SSH2: variants seen among roughly 807,000 people sequenced by gnomAD.
The protein encoded by SSH2 is slingshot protein phosphatase 2.
In SSH2, 37 loss-of-function variants were observed where a neutral mutation model predicts 135.2. That is an observed-to-expected ratio of 0.27 (90% CI 0.21 to 0.36). SSH2 has a LOEUF of 0.36. SSH2 is among the 10% of genes least tolerant of loss of function. SSH2 has a pLI of 1.00. For synonymous variants in SSH2, 628 were observed against 646.2 expected, an observed-to-expected ratio of 0.97 and a Z score of 0.43; for missense variants, 1,408 against 1,765.3, an observed-to-expected ratio of 0.80 and a Z score of 3.63.
In SSH2 at chr17:29,632,422, C is replaced by A; in HGVS notation, c.2772G>T (p.Lys924Asn). ...APTCTSLSTR[K>N]NSKNDSSVAD... Reference sequence around the variant, plus strand: ...CCACAGAAGAATCATTCTTTGAATTCTTACGAGTGGACAATGAGGTACATG... The same window carrying A: ...CCACAGAAGAATCATTCTTTGAATTATTACGAGTGGACAATGAGGTACATG... Residue 924 changes from lysine to asparagine, a missense_variant, in exon 16 of 16, where the codon AAG becomes AAT. Lys to Asn is a moderately conservative substitution (Grantham distance 94, BLOSUM62 0). Coordinates refer to ENST00000540801, the MANE Select transcript of SSH2 (RefSeq NM_001282129.2). 1 of 1,614,214 alleles carries A rather than the reference C, an allele frequency of 6.2e-7. No homozygotes were observed. Among genetic ancestry groups the A allele is most frequent in the Non-Finnish European group, 8.5e-7 (1 of 1,180,032 alleles).
At chr17:29,882,251 T>C (rs957415913) in intron 1 of SSH2, among the ~76,000 whole-genome samples, 9 of 152,232 alleles carry the variant, frequency 5.9e-5, no homozygotes, top group African/African-American at 2.2e-4. Context: ...TTTCAAAAAC[T>C]CACAGCCTTT....
chr17:29,737,980 G>A (rs542816490), intron 3 of SSH2, among the ~76,000 whole-genome samples: 1 of 151,862 alleles, frequency 6.6e-6, no homozygotes, highest in Non-Finnish European at 1.5e-5. Context: ...TGCGCACAAC[G>A]TGCAGGTTAC....
intron 2 of SSH2, among the ~76,000 whole-genome samples, chr17:29,804,675 T>C (rs2042308024): frequency 6.6e-6 from 1 of 152,168 alleles, no homozygotes; most frequent in South Asian, 2.1e-4. Context: ...GTCTTTGTTG[T>C]TGTTGTTGTT....
At chr17:29,742,937 CTTT>C (rs1169022857) in intron 3 of SSH2, among the ~76,000 whole-genome samples, 1 of 149,764 alleles carries the variant, frequency 6.7e-6, no homozygotes, top group Non-Finnish European at 1.5e-5. Context: ...GCCCAGCCTT[CTTT>C]TGATTTTTTG....
At chr17:29,764,938 G>A (rs535321279) in intron 3 of SSH2, among the ~76,000 whole-genome samples, 4 of 152,284 alleles carry the variant, frequency 2.6e-5, no homozygotes, top group East Asian at 1.9e-4. Flanking sequence ...GCTGAAATGC[G>A]AATGAAGGAT....
At chr17:29,897,568 G>C (rs2066468292) in intron 1 of SSH2, among the ~76,000 whole-genome samples, 1 of 152,174 alleles carries the variant, frequency 6.6e-6, no homozygotes, top group Non-Finnish European at 1.5e-5. Flanking sequence ...AGTTCAACAA[G>C]AAGAGCTAAC....
At chr17:29,739,694 A>C (rs2040491742) in intron 3 of SSH2, among the ~76,000 whole-genome samples, 1 of 152,198 alleles carries the variant, frequency 6.6e-6, no homozygotes. Flanking sequence ...AATAGGGCAA[A>C]AGGTGATGTT....
intron 3 of SSH2, among the ~76,000 whole-genome samples, chr17:29,756,841 G>C (rs1293278438): frequency 6.6e-6 from 1 of 151,836 alleles, no homozygotes; most frequent in East Asian, 1.9e-4. Context: ...ATTTTTAGTA[G>C]AGATGGGGTT....
intron 2 of SSH2, among the ~76,000 whole-genome samples, chr17:29,834,358 C>A (rs920463573): frequency 6.6e-6 from 1 of 152,098 alleles, no homozygotes; most frequent in East Asian, 1.9e-4. Flanking sequence ...GTGATTGAAA[C>A]CCCATTTACC....
chr17:29,755,931 G>T (rs892845822), intron 3 of SSH2, among the ~76,000 whole-genome samples: 2 of 148,958 alleles, frequency 1.3e-5, no homozygotes, highest in Admixed American at 1.3e-4. Context: ...AAAGTGCTGG[G>T]ATTACAGGGG....
At chr17:29,756,313 C>T (rs1193022637) in intron 3 of SSH2, among the ~76,000 whole-genome samples, 3 of 151,566 alleles carry the variant, frequency 2.0e-5, no homozygotes, top group Non-Finnish European at 4.4e-5. Context: ...CTCTATTGCC[C>T]AAGCTGGAGT....
At position 29,628,345 on chromosome 17, in the gene SSH2, T is replaced by G. The variant is rs989613409; in HGVS notation, c.*2496A>C. ...AAATTTTTTTTCCCCACAGTATTAG[T>G]GGGTTTTGTCCCATCTTTGTTGTTA... On this transcript the variant is annotated 3_prime_UTR_variant, in exon 16 of 16. Transcript: ENST00000540801. 1.3e-5 allele frequency: 2 copies of G among 152,216 alleles called. No individual in the cohort carries two copies. The highest frequency in any genetic ancestry group is 2.4e-5 in the African/African-American group (1 of 41,462). 9.4% of individuals were successfully genotyped at this position (152,216 alleles called of 1,614,324 possible). A position where few individuals can be genotyped will look rare whatever the true frequency, so the allele number is the denominator to read the frequency against.
Position 29,636,568 on chromosome 17 carries a change from C to A in SSH2, c.1662G>T (p.Met554Ile), listed in dbSNP as rs748131596. The change falls in exon 15 of 16, where the codon ATG becomes ATT. Residue 554 changes from methionine (M) to isoleucine (I), a missense_variant. Coordinates refer to ENST00000540801, the MANE Select transcript of SSH2 (RefSeq NM_001282129.2). ...CCCTAGAAGTAAACTCCAAGCAGAT[C>A]ATTCTTTCTTTGGTACACAGGCCTT... ...NQKGLCTKER[M>I]ICLEFTSREF... is the part of the protein sequence containing the mutation. 56 of 1,614,172 alleles carry A rather than the reference C, an allele frequency of 3.5e-5. No homozygotes were observed. In the South Asian group the frequency reaches 5.8e-4, roughly 17 times the overall value.
intron 5 of SSH2, among the ~76,000 whole-genome samples, chr17:29,688,295 C>G (rs1567879702): frequency 6.6e-6 from 1 of 152,076 alleles, no homozygotes; most frequent in Non-Finnish European, 1.5e-5. Context: ...AGGTGCGAGC[C>G]ACTACGCCCG....
intron 2 of SSH2, among the ~76,000 whole-genome samples, chr17:29,808,503 A>G (rs1245850909): frequency 6.6e-6 from 1 of 152,196 alleles, no homozygotes; most frequent in African/African-American, 2.4e-5. Context: ...TGACAGCCAC[A>G]TGTGCTTATA....
chr17:29,636,240 T>C lies in SSH2; in HGVS notation c.1990A>G (p.Ser664Gly), dbSNP rs202239963. 50 of 1,613,950 alleles carry C rather than the reference T, an allele frequency of 3.1e-5. 1 individual carries two copies. The Admixed American group carries it at 7.5e-4, about 24-fold the overall frequency. Reference protein sequence around the residue: ...PDPESPSPQPSCQTEISDFST... With the variant: ...PDPESPSPQPGCQTEISDFST... ...AAATCTGAGATTTCAGTCTGGCAAC[T>C]GGGTTGGGGGCTTGGTGACTCAGGA... The change falls in exon 15 of 16, where the codon AGT becomes GGT. Residue 664 changes from serine (S) to glycine (G), a missense_variant. Coordinates refer to ENST00000540801, the MANE Select transcript of SSH2 (RefSeq NM_001282129.2).
intron 3 of SSH2, among the ~76,000 whole-genome samples, chr17:29,786,263 G>T (rs1159622217): frequency 6.6e-6 from 1 of 152,182 alleles, no homozygotes; most frequent in Non-Finnish European, 1.5e-5. Flanking sequence ...GGTTGGAAAG[G>T]TTCCCTGGCA....
intron 3 of SSH2, among the ~76,000 whole-genome samples, chr17:29,754,068 T>C (rs2041038253): frequency 1.3e-5 from 2 of 152,330 alleles, no homozygotes; most frequent in Middle Eastern, 3.4e-3. Flanking sequence ...TTCAGCATTT[T>C]GATTCTCTAG....
chr17:29,915,625 C>T (rs2066867634), intron 1 of SSH2, among the ~76,000 whole-genome samples: 1 of 151,946 alleles, frequency 6.6e-6, no homozygotes, highest in African/African-American at 2.4e-5. Flanking sequence ...CTAAGCATAG[C>T]CTATTAAATT....
Sources: allele counts gnomAD v4.1 joint callset (sites outside exome capture counted in the v4.1 genomes callset), GRCh38; gene constraint gnomAD v4.1.1; transcripts MANE v1.5; gene names NCBI Gene and HGNC (gene_info 2026-07-23, HGNC 2026-07-21).